Variants in ARSB observed in about 807,000 individuals in gnomAD.
The protein encoded by ARSB is arylsulfatase B, also known as N-acetylgalactosamine-4-sulfatase.
In ARSB, 41 loss-of-function variants were observed where a neutral mutation model predicts 50.9. The ratio of observed to expected loss-of-function variants is 0.81; its 90% CI spans 0.63 to 1.04. ARSB has a LOEUF of 1.04. Ranked by LOEUF, ARSB falls within the 50% of genes least tolerant of loss-of-function variation. The pLI, the probability that ARSB is intolerant of heterozygous loss-of-function variation, is 0.00. For synonymous variants in ARSB, 269 were observed against 284.8 expected (o/e 0.94, Z 0.56); for missense variants, 672 against 693.3 (o/e 0.97, Z 0.35).
intron 3 of ARSB, among the ~76,000 whole-genome samples, chr5:78,959,218 C>T (rs930705845): frequency 4.6e-5 from 7 of 152,134 alleles, no homozygotes; most frequent in Non-Finnish European, 1.0e-4. Context: ...CCTGCTGCCA[C>T]GTGAAGAAAG....
rs180974169 is a variant in ARSB at position 78,789,276 on chromosome 5, G to A, written c.1214-7302C>T. Among the ~76,000 whole-genome samples, 327 of 152,260 alleles carry A rather than the reference G, an allele frequency of 2.1e-3. 1 individual carries two copies. Among genetic ancestry groups the A allele is most frequent in the African/African-American group, 7.2e-3 (298 of 41,540 alleles). On this transcript the variant is annotated intron_variant, in intron 6 of 7. Transcript: ENST00000264914. The stretch of plus-strand genomic sequence containing the variant: ...TTTATTAGTTGCTGTTAACATTTTC[G>A]TATATAGCCTTTGAGACTTTTAACT...
At chr5:78,830,900 C>T (rs775656068) in intron 6 of ARSB, among the ~76,000 whole-genome samples, 3 of 152,122 alleles carry the variant, frequency 2.0e-5, no homozygotes, top group South Asian at 2.1e-4. Flanking sequence ...CAGGCAGGCA[C>T]GGAAGCAGCA....
At position 78,872,133 on chromosome 5, in the gene ARSB, T is replaced by G. The variant is rs1022600714; in HGVS notation, c.1142+13451A>C. Among the ~76,000 whole-genome samples the G allele has an allele frequency of 5.4e-5, 8 of 147,858 alleles. No homozygotes were observed. In the East Asian group the frequency reaches 1.4e-3, roughly 25 times the overall value. ...ACTATGAGATATCATCTCACACCAG[T>G]TAGAACGGTAATCATTAAAAAGTCA... On this transcript the variant is annotated intron_variant, in intron 5 of 7. Coordinates refer to ENST00000264914, the MANE Select transcript of ARSB (RefSeq NM_000046.5).
chr5:78,907,949 T>G (rs77051662), intron 4 of ARSB, among the ~76,000 whole-genome samples: 1 of 152,072 alleles, frequency 6.6e-6, no homozygotes, highest in Non-Finnish European at 1.5e-5. Context: ...AGAAGGATAA[T>G]TAAAAGCAGG....
At chr5:78,901,539 A>G (rs1748804476) in intron 4 of ARSB, among the ~76,000 whole-genome samples, 1 of 152,196 alleles carries the variant, frequency 6.6e-6, no homozygotes, top group African/African-American at 2.4e-5. Flanking sequence ...AAACCAACCA[A>G]TAGGGAAATA....
chr5:78,865,768 A>T (rs1335268244), intron 5 of ARSB, among the ~76,000 whole-genome samples: 2 of 152,058 alleles, frequency 1.3e-5, no homozygotes, highest in African/African-American at 4.8e-5. Context: ...AGATACCCTA[A>T]ATCATCTCTC....
chr5:78,925,859 A>C (rs1021581907), intron 4 of ARSB, among the ~76,000 whole-genome samples: 1 of 152,232 alleles, frequency 6.6e-6, no homozygotes, highest in Non-Finnish European at 1.5e-5. Context: ...GAGAAGTAGA[A>C]GATAAAGCAT....
chr5:78,817,858 A>G (rs1744060713), intron 6 of ARSB, among the ~76,000 whole-genome samples: 1 of 151,432 alleles, frequency 6.6e-6, no homozygotes, highest in Non-Finnish European at 1.5e-5. Context: ...CTGATATACA[A>G]CTAAGGGCTG....
chr5:78,956,589 G>A (rs187922186), intron 3 of ARSB, among the ~76,000 whole-genome samples: 169 of 152,230 alleles, frequency 1.1e-3, no homozygotes, highest in Non-Finnish European at 2.1e-3. Context: ...ATAAAAGCCA[G>A]AGTCCCAGAA....
chr5:78,948,043 A>G (rs1436353818), intron 4 of ARSB, among the ~76,000 whole-genome samples: 2 of 152,196 alleles, frequency 1.3e-5, no homozygotes, highest in Non-Finnish European at 2.9e-5. Flanking sequence ...AAAGACAAAC[A>G]TCACATGTTC....
chr5:78,781,576 T>A (rs1748927846), intron 7 of ARSB, among the ~76,000 whole-genome samples: 1 of 152,126 alleles, frequency 6.6e-6, no homozygotes, highest in Non-Finnish European at 1.5e-5. Context: ...CTAGGACATA[T>A]ATCAGGAGGG....
intron 6 of ARSB, among the ~76,000 whole-genome samples, chr5:78,809,567 A>C (rs1484900227): frequency 1.3e-5 from 2 of 152,264 alleles, no homozygotes; most frequent in East Asian, 3.8e-4. Flanking sequence ...TCAGCTCCCC[A>C]AGTCAGCGGC....
At chr5:78,879,770 T>C (rs1747657952) in intron 5 of ARSB, among the ~76,000 whole-genome samples, 1 of 152,226 alleles carries the variant, frequency 6.6e-6, no homozygotes, top group Admixed American at 6.5e-5. Context: ...GTGCCAAATG[T>C]TCTGCCACCG....
intron 5 of ARSB, among the ~76,000 whole-genome samples, chr5:78,881,808 G>A (rs747304578): frequency 1.3e-5 from 2 of 152,196 alleles, no homozygotes; most frequent in Non-Finnish European, 2.9e-5. Context: ...TTGGCCCTCC[G>A]CAAGTTCACT....
rs1380362120 is a variant in ARSB, at chr5:78,870,048, A to C, written c.1142+15536T>G. ...ATACTACAAACACCTCTACGCAAAT[A>C]AACTAGAAAATCTAGAAGAAATGGA... On this transcript the variant is annotated intron_variant, in intron 5 of 7. Coordinates refer to ENST00000264914, the MANE Select transcript of ARSB (RefSeq NM_000046.5). Among the ~76,000 whole-genome samples the C allele has an allele frequency of 2.2e-4, 29 of 133,264 alleles. 1 individual carries two copies. The South Asian group carries it at 7.5e-3, about 34-fold the overall frequency. 87.4% of individuals were successfully genotyped at this position (133,264 alleles called of 152,430 possible). A position where few individuals can be genotyped will look rare whatever the true frequency, so the allele number is the denominator to read the frequency against.
intron 4 of ARSB, among the ~76,000 whole-genome samples, chr5:78,888,208 A>T (rs956551554): frequency 6.6e-6 from 1 of 152,240 alleles, no homozygotes; most frequent in East Asian, 1.9e-4. Flanking sequence ...CTCAAGGCCC[A>T]AACATTCACT....
intron 4 of ARSB, among the ~76,000 whole-genome samples, chr5:78,888,891 AAC>A (rs1748157318): frequency 6.6e-6 from 1 of 152,256 alleles, no homozygotes; most frequent in Non-Finnish European, 1.5e-5. Flanking sequence ...CGATTCTATC[AAC>A]AGTTATTCTT....
chr5:78,852,322 G>A (rs1163824759), intron 5 of ARSB, among the ~76,000 whole-genome samples: 1 of 152,096 alleles, frequency 6.6e-6, no homozygotes, highest in Non-Finnish European at 1.5e-5. Flanking sequence ...ATGAAGCTTA[G>A]TTTGGCTGGA....
intron 6 of ARSB, among the ~76,000 whole-genome samples, chr5:78,813,478 C>T (rs1743886792): frequency 6.6e-6 from 1 of 152,144 alleles, no homozygotes; most frequent in Non-Finnish European, 1.5e-5. Flanking sequence ...AAATGCAAGG[C>T]CAGGCACAGT....
Sources: gnomAD v4.1 joint callset for allele counts (sites outside exome capture counted in the v4.1 genomes callset) on GRCh38, gnomAD v4.1.1 for gene constraint, MANE v1.5 for transcripts, NCBI Gene and HGNC (gene_info 2026-07-23, HGNC 2026-07-21) for gene names.